Variants in FOCAD observed in about 807,000 individuals in gnomAD.
FOCAD encodes KIAA1797.
FOCAD carries 198 observed loss-of-function variants against 225.6 expected under a neutral mutation model. The ratio of observed to expected loss-of-function variants is 0.88; its 90% CI spans 0.78 to 0.99. The LOEUF (loss-of-function observed/expected upper bound fraction) is 0.99, where lower values mean the gene tolerates loss of function less well. FOCAD is among the 50% of genes least tolerant of loss of function. The pLI, the probability that FOCAD is intolerant of heterozygous loss-of-function variation, is 0.00. For missense variants in FOCAD, 2,713 were observed against 2,123.6 expected (o/e 1.28, Z -5.46); for synonymous variants, 897 against 755.0 (o/e 1.19, Z -3.08).
chr9:20,901,529 G>T (rs1236317223), intron 21 of FOCAD, among the ~76,000 whole-genome samples: 1 of 151,646 alleles, frequency 6.6e-6, no homozygotes, highest in African/African-American at 2.4e-5. Flanking sequence ...GATGGAATAA[G>T]CATATTTGTT....
intron 35 of FOCAD, among the ~76,000 whole-genome samples, chr9:20,960,519 ACTT>A (rs1838606169): frequency 6.6e-6 from 1 of 152,202 alleles, no homozygotes. Flanking sequence ...ATTCACTAAT[ACTT>A]CTTGCCTGAA....
intron 11 of FOCAD, among the ~76,000 whole-genome samples, chr9:20,811,171 C>G (rs117950238): frequency 1.3e-5 from 2 of 151,974 alleles, no homozygotes; most frequent in African/African-American, 4.8e-5. Context: ...ACTCTAAAAG[C>G]ATTTACAGTG....
At chr9:20,724,645 G>T (rs919519515) in intron 4 of FOCAD, among the ~76,000 whole-genome samples, 3 of 151,902 alleles carry the variant, frequency 2.0e-5, no homozygotes, top group East Asian at 1.9e-4. Flanking sequence ...GTCAGAAAAC[G>T]TAATTTTCTT....
chr9:20,667,797 A>C lies in FOCAD; in HGVS notation c.-78+8971A>C, dbSNP rs541700397. 3.3e-5 allele frequency among the ~76,000 whole-genome samples: 5 copies of C among 152,350 alleles called. No individual in the cohort carries two copies. The East Asian group carries it at 9.6e-4, about 29-fold the overall frequency. ...AAAGAATTAAGAAATTAAAAACAACAGCAACATCAACAAAAATAAAAACCA... is the reference window on the plus strand; with the variant it reads ...AAAGAATTAAGAAATTAAAAACAACCGCAACATCAACAAAAATAAAAACCA... On this transcript the variant is annotated intron_variant, in intron 2 of 45. Transcript: ENST00000380249.
rs565280892 is a variant in FOCAD at position 20,939,150 on chromosome 9, C to CAAAAAAAAAAAAAAAAAAAA, written c.3408-5460_3408-5459insAAAAAAAAAAAAAAAAAAAA. On this transcript the variant is annotated intron_variant, in intron 28 of 43. Transcript: ENST00000338382. Reference sequence around the variant, plus strand: ...GGGCGACAGAGCGAGACTCTCTTCTCAAAAAAAAAAAAAAAAAGAGTGTGG... The same window carrying CAAAAAAAAAAAAAAAAAAAA: ...GGGCGACAGAGCGAGACTCTCTTCTCAAAAAAAAAAAAAAAAAAAAAAAAAAAAAAAAAAAAAGAGTGTGG... Among the ~76,000 whole-genome samples, 53 of 72,456 alleles carry CAAAAAAAAAAAAAAAAAAAA rather than the reference C, an allele frequency of 7.3e-4. 3 individuals are homozygous for CAAAAAAAAAAAAAAAAAAAA. The highest frequency in any genetic ancestry group is 1.8e-3 in the Admixed American group (11 of 6,158). The allele number at this position is 72,456 out of a possible 152,430, so 47.5% of individuals were successfully genotyped here.
At chr9:20,829,798 A>G (rs1825302920) in intron 15 of FOCAD, among the ~76,000 whole-genome samples, 1 of 152,122 alleles carries the variant, frequency 6.6e-6, no homozygotes, top group East Asian at 1.9e-4. Context: ...TTTATATGAA[A>G]TTAGCATAAT....
chr9:20,821,271 AGTCTT>A (rs1331691624), intron 14 of FOCAD, among the ~76,000 whole-genome samples, 200 bp downstream of exon 14: 4 of 152,088 alleles, frequency 2.6e-5, no homozygotes, highest in South Asian at 2.1e-4. Context: ...TTTCAGGACT[AGTCTT>A]GTATCTAGGT....
At chr9:20,975,721 G>C (rs1191207033) in intron 35 of FOCAD, among the ~76,000 whole-genome samples, 1 of 152,132 alleles carries the variant, frequency 6.6e-6, no homozygotes, top group Non-Finnish European at 1.5e-5. Context: ...GTAGGCAAGT[G>C]AAAGAATGAA....
Position 20,978,403 on chromosome 9 carries a change from A to C in FOCAD, c.4326A>C (p.Ala1442=). ...CCCAGGCACAGTCATCCCAGAATGC[A>C]GCTGCACTATTGGGCTTGTGGGTGA... is the stretch of plus-strand genomic sequence containing the variant. The part of the protein sequence containing the change: ...MVTQAQSSQN[A]AALLGLWVTP... Residue 1442 remains alanine (A), a synonymous_variant, in exon 37 of 44, where the codon GCA becomes GCC. Transcript: ENST00000338382. 1 of 1,612,382 alleles carries C rather than the reference A, an allele frequency of 6.2e-7. No individual in the cohort carries two copies. The highest frequency in any genetic ancestry group is 8.5e-7 in the Non-Finnish European group (1 of 1,179,134).
At chr9:20,800,493 T>C (rs958027428) in intron 11 of FOCAD, among the ~76,000 whole-genome samples, 3 of 152,170 alleles carry the variant, frequency 2.0e-5, no homozygotes, top group African/African-American at 4.8e-5. Context: ...ACCAATCAGA[T>C]GTAAATTTGG....
intron 20 of FOCAD, among the ~76,000 whole-genome samples, chr9:20,883,185 T>TCTC (rs1183838619): frequency 1.3e-5 from 2 of 152,160 alleles, no homozygotes; most frequent in African/African-American, 4.8e-5. Flanking sequence ...TTCCTGGAGA[T>TCTC]AAAGAAGTCA....
chr9:20,749,787 A>G (rs1305469560), intron 5 of FOCAD, among the ~76,000 whole-genome samples: 1 of 152,210 alleles, frequency 6.6e-6, no homozygotes, highest in Non-Finnish European at 1.5e-5. Context: ...TGTAGCAAGA[A>G]GGTTGAGGTG....
chr9:20,786,154 G>C (rs1271185660), intron 10 of FOCAD, among the ~76,000 whole-genome samples: 1 of 151,958 alleles, frequency 6.6e-6, no homozygotes, highest in African/African-American at 2.4e-5. Flanking sequence ...CTTTCATTTT[G>C]TTTTCTTTCT....
At chr9:20,960,386 C>A (rs1838591984) in intron 35 of FOCAD, among the ~76,000 whole-genome samples, 1 of 152,140 alleles carries the variant, frequency 6.6e-6, no homozygotes, top group Non-Finnish European at 1.5e-5. Context: ...AAGATGTTGT[C>A]TTCTAGGTTT....
chr9:20,993,954 G>C (rs1340164269), intron 43 of FOCAD, among the ~76,000 whole-genome samples: 1 of 152,096 alleles, frequency 6.6e-6, no homozygotes, highest in Non-Finnish European at 1.5e-5. Flanking sequence ...GAGTCCCATT[G>C]CCCAATGACA....
intron 4 of FOCAD, among the ~76,000 whole-genome samples, chr9:20,728,288 A>G (rs1826382036): frequency 6.6e-6 from 1 of 152,224 alleles, no homozygotes; most frequent in Non-Finnish European, 1.5e-5. Flanking sequence ...GCATATATAT[A>G]AAGAGATATC....
intron 4 of FOCAD, among the ~76,000 whole-genome samples, chr9:20,724,510 C>A (rs146145799): frequency 3.3e-5 from 5 of 152,104 alleles, no homozygotes; most frequent in African/African-American, 1.2e-4. Flanking sequence ...TTGTCATCCA[C>A]AGGGAGATAT....
intron 5 of FOCAD, 26 bp downstream of exon 5, chr9:20,740,366 T>C: frequency 8.0e-7 from 1 of 1,243,782 alleles, no homozygotes; most frequent in Non-Finnish European, 1.1e-6. Flanking sequence ...GTTTTTTTTT[T>C]AAACAAATAT....
chr9:20,938,922 TAA>T (rs1836322110), intron 28 of FOCAD, among the ~76,000 whole-genome samples: 1 of 150,742 alleles, frequency 6.6e-6, no homozygotes, highest in African/African-American at 2.4e-5. Flanking sequence ...TTAAAAATGA[TAA>T]AGATGGTACT....
Sources: gnomAD v4.1 joint callset for allele counts (sites outside exome capture counted in the v4.1 genomes callset) on GRCh38, gnomAD v4.1.1 for gene constraint, MANE v1.5 for transcripts, NCBI Gene and HGNC (gene_info 2026-07-23, HGNC 2026-07-21) for gene names.